The following MLLT10 variants were observed in gnomAD, a reference collection of about 807,000 sequenced individuals.
The protein encoded by MLLT10 is MLLT10 histone lysine methyltransferase DOT1L cofactor.
In MLLT10, 30 loss-of-function variants were observed where a neutral mutation model predicts 129.1. The ratio of observed to expected loss-of-function variants is 0.23; its 90% CI spans 0.17 to 0.32. The LOEUF (loss-of-function observed/expected upper bound fraction) is 0.32. Ranked by LOEUF, MLLT10 falls within the 10% of genes least tolerant of loss-of-function variation. The probability of loss-of-function intolerance (pLI) is 1.00; values close to 1 mark genes in which losing one functional copy is unlikely to be tolerated. For synonymous variants in MLLT10, 490 were observed against 446.4 expected (o/e 1.10, Z -1.23); for missense variants, 1,119 against 1,268.3 (o/e 0.88, Z 1.79).
chr10:21,617,840 G>A (rs1252079237), intron 8 of MLLT10, among the ~76,000 whole-genome samples: 2 of 151,944 alleles, frequency 1.3e-5, no homozygotes, highest in African/African-American at 4.8e-5. Context: ...TACTTAATTT[G>A]TTCTTTAATA....
At chr10:21,666,003 G>A (rs915932345) in intron 9 of MLLT10, among the ~76,000 whole-genome samples, 1 of 152,156 alleles carries the variant, frequency 6.6e-6, no homozygotes, top group African/African-American at 2.4e-5. Flanking sequence ...CCTGGCCTCT[G>A]TGTAGTTGCA....
chr10:21,649,689 A>G (rs1447724311), intron 8 of MLLT10, among the ~76,000 whole-genome samples: 3 of 152,138 alleles, frequency 2.0e-5, no homozygotes, highest in Non-Finnish European at 4.4e-5. Context: ...TGGCCTCTCT[A>G]TGAGTAGAGT....
At chr10:21,680,889 T>C (rs2052666855) in intron 11 of MLLT10, among the ~76,000 whole-genome samples, 1 of 151,966 alleles carries the variant, frequency 6.6e-6, no homozygotes, top group Admixed American at 6.6e-5. Flanking sequence ...GGAGGATCAC[T>C]TGAACCCAGT....
Position 21,740,048 on chromosome 10 carries a change from T to C in MLLT10, c.2974T>C (p.Leu992=), listed in dbSNP as rs767058022. ...QLTPEQHQAF[L]YQLMQHHHQQ... ...GCCTAAGGAACAACATCAAGCCTTTTTGTATCAGTTAATGCAACATCACCA... is the reference window on the plus strand; with the variant it reads ...GCCTAAGGAACAACATCAAGCCTTTCTGTATCAGTTAATGCAACATCACCA... Residue 992 remains leucine, a synonymous_variant, in exon 22 of 23, where the codon TTG becomes CTG. Coordinates refer to ENST00000307729, the MANE Select transcript of MLLT10 (RefSeq NM_001195626.3). 3 of 1,609,954 alleles carry C rather than the reference T, an allele frequency of 1.9e-6. No individual in the cohort carries two copies. The highest frequency in any genetic ancestry group is 2.5e-6 in the Non-Finnish European group (3 of 1,177,792).
chr10:21,714,633 G>A (rs769363184), intron 14 of MLLT10, among the ~76,000 whole-genome samples: 6 of 152,174 alleles, frequency 3.9e-5, no homozygotes, highest in Non-Finnish European at 5.9e-5. Context: ...CTGGGTTCAA[G>A]CAATTCTCCT....
At chr10:21,735,322 A>C in intron 21 of MLLT10, 87 bp downstream of exon 21, 1 of 1,155,074 alleles carries the variant, frequency 8.7e-7, no homozygotes, top group South Asian at 1.4e-5. Context: ...CTCCTTTGTG[A>C]AATAACATTA....
chr10:21,608,614 C>T (rs978706623), intron 5 of MLLT10, among the ~76,000 whole-genome samples: 5 of 148,952 alleles, frequency 3.4e-5, no homozygotes, highest in African/African-American at 1.2e-4. Flanking sequence ...TTCTATCTCC[C>T]TTTCTCTTCT....
At position 21,670,537 on chromosome 10, in the gene MLLT10, A is replaced by G; in HGVS notation, c.884A>G (p.Gln295Arg). ...GCACGATTTACAAATGCAAATTTCC[A>G]GGAAGTCTCTGCACACACCTCTAGT... ...TTARFTNANF[Q>R]EVSAHTSSGK... The change falls in exon 10 of 23, where the codon CAG becomes CGG. Residue 295 changes from glutamine (Q) to arginine (R), a missense_variant. Around this residue, in one of 5 missense-constraint regions of MLLT10, gnomAD observed 1,004 missense variants for 1,008.7 expected, o/e 1.00. Transcript: ENST00000307729. 2 of 1,614,176 alleles carry G rather than the reference A, an allele frequency of 1.2e-6. No homozygotes were observed. Among genetic ancestry groups the G allele is most frequent in the Non-Finnish European group, 1.7e-6 (2 of 1,180,030 alleles).
chr10:21,560,395 CTCAAG>C (rs1368631058), intron 3 of MLLT10, among the ~76,000 whole-genome samples: 1 of 152,144 alleles, frequency 6.6e-6, no homozygotes, highest in East Asian at 1.9e-4. Flanking sequence ...TCTTTTTCCA[CTCAAG>C]TCTTTTTCAG....
chr10:21,639,062 G>A (rs998428416), intron 8 of MLLT10, among the ~76,000 whole-genome samples: 1 of 152,134 alleles, frequency 6.6e-6, no homozygotes. Context: ...GGCCTGTGAG[G>A]CCTTTAATTT....
intron 17 of MLLT10, among the ~76,000 whole-genome samples, 193 bp downstream of exon 17, chr10:21,731,247 G>A (rs1488038592): frequency 6.6e-6 from 1 of 152,148 alleles, no homozygotes; most frequent in African/African-American, 2.4e-5. Flanking sequence ...GCTTGGACTT[G>A]AATCCTGTCT....
chr10:21,582,509 A>C (rs1362666968), intron 3 of MLLT10, among the ~76,000 whole-genome samples: 1 of 152,212 alleles, frequency 6.6e-6, no homozygotes, highest in Non-Finnish European at 1.5e-5. Flanking sequence ...CAAAAAACAG[A>C]ATCAAGTGCT....
chr10:21,627,563 A>C (rs1256370643), intron 8 of MLLT10, among the ~76,000 whole-genome samples: 1 of 152,166 alleles, frequency 6.6e-6, no homozygotes, highest in African/African-American at 2.4e-5. Context: ...TGTGACCTTG[A>C]CATCTCTTAA....
At chr10:21,723,702 T>C (rs2057289948) in intron 14 of MLLT10, among the ~76,000 whole-genome samples, 1 of 152,216 alleles carries the variant, frequency 6.6e-6, no homozygotes, top group African/African-American at 2.4e-5. Context: ...CAGCTGTTAC[T>C]TCTTGGTGTC....
At chr10:21,623,709 T>C (rs1206383644) in intron 8 of MLLT10, among the ~76,000 whole-genome samples, 2 of 152,236 alleles carry the variant, frequency 1.3e-5, no homozygotes, top group Admixed American at 1.3e-4. Context: ...TCTATTTGTT[T>C]TTTTCTAACT....
intron 2 of MLLT10, 132 bp from the exon 3 acceptor site, chr10:21,538,701 C>G (rs1452289478): frequency 1.7e-6 from 1 of 588,066 alleles, no homozygotes; most frequent in Non-Finnish European, 3.0e-6. Context: ...AGGATGTGAA[C>G]TGTTTTACTT....
At chr10:21,614,986 T>G in intron 7 of MLLT10, 62 bp downstream of exon 7, 1 of 1,345,936 alleles carries the variant, frequency 7.4e-7, no homozygotes, top group Non-Finnish European at 1.0e-6. Context: ...AGAATGACAC[T>G]GTTTTATTAA....
chr10:21,623,702 A>G (rs888619497), intron 8 of MLLT10, among the ~76,000 whole-genome samples: 2 of 152,114 alleles, frequency 1.3e-5, no homozygotes, highest in African/African-American at 4.8e-5. Flanking sequence ...AAAGGACTCT[A>G]TTTGTTTTTT....
intron 3 of MLLT10, among the ~76,000 whole-genome samples, chr10:21,553,005 GCA>G (rs1291037027): frequency 6.6e-6 from 1 of 151,866 alleles, no homozygotes; most frequent in Admixed American, 6.6e-5. Flanking sequence ...GCTTGCTGGA[GCA>G]TCCTAAGGAA....
Sources: allele counts gnomAD v4.1 joint callset (sites outside exome capture counted in the v4.1 genomes callset), GRCh38; gene constraint gnomAD v4.1.1; regional missense constraint gnomAD v4.1.1; transcripts MANE v1.5; gene names NCBI Gene and HGNC (gene_info 2026-07-23, HGNC 2026-07-21).